Variants in FHIT observed in about 807,000 individuals in gnomAD.
The protein encoded by FHIT is bis(5'-adenosyl)-triphosphatase.
Under a neutral mutation model 17.9 loss-of-function variants are expected in FHIT, and 19 were observed. The ratio of observed to expected loss-of-function variants is 1.06; its 90% CI spans 0.74 to 1.56. The LOEUF (loss-of-function observed/expected upper bound fraction) is 1.56, where lower values mean the gene tolerates loss of function less well. FHIT is among the 40% of genes most tolerant of loss of function. FHIT has a pLI of 0.00. For synonymous variants in FHIT, 81 were observed against 69.7 expected, an observed-to-expected ratio of 1.16 and a Z score of -0.81; for missense variants, 248 against 189.2, an observed-to-expected ratio of 1.31 and a Z score of -1.82.
intron 4 of FHIT, among the ~76,000 whole-genome samples, chr3:60,583,450 T>C (rs1431661578): frequency 6.6e-6 from 1 of 151,954 alleles, no homozygotes; most frequent in Non-Finnish European, 1.5e-5. Context: ...ATTCTGCCAG[T>C]GTAGCATGAA....
At chr3:60,469,418 G>C (rs2032967980) in intron 5 of FHIT, among the ~76,000 whole-genome samples, 1 of 152,028 alleles carries the variant, frequency 6.6e-6, no homozygotes, top group South Asian at 2.1e-4. Context: ...TCTTTGTTTT[G>C]CTTATTTCTG....
At chr3:59,928,818 A>C (rs1437017302) in intron 7 of FHIT, among the ~76,000 whole-genome samples, 2 of 152,026 alleles carry the variant, frequency 1.3e-5, no homozygotes, top group Admixed American at 1.3e-4. Flanking sequence ...AATATAGTGA[A>C]ACCCCGTCTC....
chr3:60,633,354 A>T (rs1344424280), intron 4 of FHIT, among the ~76,000 whole-genome samples: 2 of 152,282 alleles, frequency 1.3e-5, no homozygotes, highest in African/African-American at 4.8e-5. Flanking sequence ...CTACTGCAAA[A>T]GCTAAATCAA....
intron 3 of FHIT, among the ~76,000 whole-genome samples, chr3:60,923,668 G>C (rs1707409469): frequency 6.6e-6 from 1 of 152,130 alleles, no homozygotes; most frequent in Admixed American, 6.5e-5. Context: ...ATTTCCAACT[G>C]AGGTACCAGG....
chr3:60,260,053 C>G (rs1280271069), intron 5 of FHIT, among the ~76,000 whole-genome samples: 1 of 152,032 alleles, frequency 6.6e-6, no homozygotes, highest in Non-Finnish European at 1.5e-5. Flanking sequence ...ACCACAAGGT[C>G]AGAAAGGATT....
chr3:60,251,039 T>C (rs1705683172), intron 5 of FHIT, among the ~76,000 whole-genome samples: 1 of 152,200 alleles, frequency 6.6e-6, no homozygotes, highest in East Asian at 1.9e-4. Context: ...AAACAAACTC[T>C]ATTACTTCCT....
chr3:59,966,645 T>C (rs1707939271), intron 7 of FHIT, among the ~76,000 whole-genome samples: 1 of 152,146 alleles, frequency 6.6e-6, no homozygotes. Context: ...TAAATAAATA[T>C]AGAAAAGATA....
intron 2 of FHIT, among the ~76,000 whole-genome samples, chr3:61,164,553 T>C (rs11712122): frequency 0.46 from 70,683 of 152,030 alleles, 17,307 homozygotes; most frequent in East Asian, 0.87. Flanking sequence ...GTTATTTAAG[T>C]TCTCTAAGCC....
intron 8 of FHIT, among the ~76,000 whole-genome samples, chr3:59,817,719 T>G (rs1482845475): frequency 6.6e-6 from 1 of 152,102 alleles, no homozygotes; most frequent in Non-Finnish European, 1.5e-5. Flanking sequence ...CCAAAGCAAC[T>G]AGTCAAGTCA....
chr3:60,699,898 C>G (rs781791316), intron 4 of FHIT, among the ~76,000 whole-genome samples: 5 of 151,948 alleles, frequency 3.3e-5, no homozygotes, highest in Non-Finnish European at 7.4e-5. Context: ...AATCCCAACA[C>G]TTTGGGAGGC....
chr3:60,295,650 G>T (rs139860304), intron 5 of FHIT, among the ~76,000 whole-genome samples: 1 of 152,106 alleles, frequency 6.6e-6, no homozygotes, highest in Admixed American at 6.6e-5. Flanking sequence ...AAATTTTGAC[G>T]TGAGGATTGG....
intron 1 of FHIT, among the ~76,000 whole-genome samples, chr3:61,211,666 A>T (rs142485302): frequency 3.2e-4 from 49 of 152,320 alleles, no homozygotes; most frequent in African/African-American, 1.1e-3. Context: ...TTCTCCCAGC[A>T]CGCAGCCAGA....
chr3:60,481,687 GA>G (rs2033616442), intron 5 of FHIT, among the ~76,000 whole-genome samples: 1 of 152,120 alleles, frequency 6.6e-6, no homozygotes, highest in Admixed American at 6.6e-5. Context: ...ACTAAATAAG[GA>G]AAGGAGAAAC....
At chr3:60,835,838 G>T (rs1308116940) in intron 3 of FHIT, among the ~76,000 whole-genome samples, 1 of 152,106 alleles carries the variant, frequency 6.6e-6, no homozygotes, top group Non-Finnish European at 1.5e-5. Context: ...GGCTGGTCTT[G>T]AACTAGGCTC....
chr3:60,407,415 G>C (rs1701907006), intron 5 of FHIT, among the ~76,000 whole-genome samples: 1 of 152,012 alleles, frequency 6.6e-6, no homozygotes, highest in South Asian at 2.1e-4. Flanking sequence ...GATTTATCTA[G>C]CTCACCCACT....
intron 5 of FHIT, among the ~76,000 whole-genome samples, chr3:60,394,985 C>A (rs1424071928): frequency 2.0e-5 from 3 of 152,182 alleles, no homozygotes; most frequent in Non-Finnish European, 4.4e-5. Flanking sequence ...TTAAAGATCA[C>A]TGCATGAATC....
At chr3:60,800,834 G>A (rs1553731961) in intron 4 of FHIT, among the ~76,000 whole-genome samples, 2 of 152,166 alleles carry the variant, frequency 1.3e-5, no homozygotes, top group African/African-American at 4.8e-5. Context: ...GTCCTTGGCT[G>A]TGGACTGCCC....
At chr3:60,825,196 C>G (rs1553740568) in intron 3 of FHIT, among the ~76,000 whole-genome samples, 1 of 152,106 alleles carries the variant, frequency 6.6e-6, no homozygotes, top group Admixed American at 6.5e-5. Context: ...AGTAACTCTT[C>G]TTGGGGGGTA....
intron 4 of FHIT, among the ~76,000 whole-genome samples, chr3:60,662,970 C>G (rs936947851): frequency 6.6e-6 from 1 of 151,322 alleles, no homozygotes; most frequent in Non-Finnish European, 1.5e-5. Context: ...AATGCTCTAG[C>G]ATCATTTGTT....
Sources: allele counts gnomAD v4.1 joint callset (sites outside exome capture counted in the v4.1 genomes callset), GRCh38; gene constraint gnomAD v4.1.1; transcripts MANE v1.5; gene names NCBI Gene and HGNC (gene_info 2026-07-23, HGNC 2026-07-21).